NOX4: variants seen among roughly 807,000 people sequenced by gnomAD.
The protein encoded by NOX4 is NADPH oxidase 4.
A neutral mutation model predicts 87.6 loss-of-function variants in NOX4; 69 were observed. The observed-to-expected ratio is 0.79, with a 90% CI of 0.65 to 0.96. The LOEUF is 0.96. NOX4 is among the 40% of genes least tolerant of loss of function. NOX4 has a pLI of 0.00. For synonymous variants in NOX4, 275 were observed against 238.2 expected (o/e 1.15, Z -1.42); for missense variants, 680 against 681.5 (o/e 1.00, Z 0.02).
At chr11:89,425,544 G>T (rs760053872) in intron 7 of NOX4, among the ~76,000 whole-genome samples, 1 of 151,604 alleles carries the variant, frequency 6.6e-6, no homozygotes, top group Non-Finnish European at 1.5e-5. Context: ...ATTTATTAAC[G>T]TAAAAATGTT....
At chr11:89,535,660 G>C in the NOX4 span, among the ~76,000 whole-genome samples, 1 of 151,636 alleles carries the variant, frequency 6.6e-6, no homozygotes, top group Non-Finnish European at 1.5e-5. Flanking sequence ...CCAGACATAG[G>C]CACTGTGCTC....
At chr11:89,396,194 T>A (rs1941471003) in intron 11 of NOX4, among the ~76,000 whole-genome samples, 1 of 152,150 alleles carries the variant, frequency 6.6e-6, no homozygotes, top group South Asian at 2.1e-4. Context: ...CAGTGGTTTG[T>A]AGTTCTCCTT....
chr11:89,427,393 GAGA>G (rs1472269358), intron 7 of NOX4, among the ~76,000 whole-genome samples: 2 of 152,186 alleles, frequency 1.3e-5, no homozygotes, highest in East Asian at 1.9e-4. Context: ...GACGAGTTGA[GAGA>G]AGAAGGCTTC....
the NOX4 span, among the ~76,000 whole-genome samples, chr11:89,581,352 A>G: frequency 6.6e-6 from 1 of 152,204 alleles, no homozygotes; most frequent in Non-Finnish European, 1.5e-5. Context: ...TTTGTCCTCT[A>G]GACTGTGAGA....
At chr11:89,566,205 G>A in the NOX4 span, among the ~76,000 whole-genome samples, 1 of 151,972 alleles carries the variant, frequency 6.6e-6, no homozygotes, top group Non-Finnish European at 1.5e-5. Flanking sequence ...ACAACGCCCA[G>A]CTAATTTTCT....
the NOX4 span, among the ~76,000 whole-genome samples, chr11:89,580,264 A>G: frequency 1.3e-5 from 2 of 152,172 alleles, no homozygotes; most frequent in Non-Finnish European, 2.9e-5. Context: ...AGCTCACTGA[A>G]GCCTTGACCT....
chr11:89,466,301 A>G (rs990559477), intron 2 of NOX4, among the ~76,000 whole-genome samples: 2 of 152,234 alleles, frequency 1.3e-5, no homozygotes, highest in African/African-American at 4.8e-5. Flanking sequence ...TTTTCTTAAA[A>G]TCTCAAACAG....
chr11:89,396,737 G>A (rs995003932), intron 11 of NOX4, among the ~76,000 whole-genome samples: 2 of 152,044 alleles, frequency 1.3e-5, no homozygotes, highest in Non-Finnish European at 2.9e-5. Flanking sequence ...ATTACATAAT[G>A]GTAAAGGGAT....
chr11:89,432,679 A>G, intron 7 of NOX4, 105 bp downstream of exon 7: 1 of 759,378 alleles, frequency 1.3e-6, no homozygotes, highest in South Asian at 1.6e-5. Context: ...TACCCAGAAT[A>G]GTCCATTAAC....
intron 12 of NOX4, among the ~76,000 whole-genome samples, 153 bp downstream of exon 12, chr11:89,373,277 CAA>C (rs144113376): frequency 0.14 from 8,494 of 59,206 alleles, 633 homozygotes; most frequent in African/African-American, 0.41. Context: ...ACTGTACAAG[CAA>C]AAAAAAAAAA....
chr11:89,333,332 T>C (rs1945556083), intron 17 of NOX4, among the ~76,000 whole-genome samples: 1 of 151,714 alleles, frequency 6.6e-6, no homozygotes, highest in South Asian at 2.1e-4. Flanking sequence ...TTGTCATAGA[T>C]TCAATTTTTG....
At chr11:89,345,101 G>A (rs1260885273) in intron 13 of NOX4, among the ~76,000 whole-genome samples, 8 of 152,102 alleles carry the variant, frequency 5.3e-5, no homozygotes, top group Non-Finnish European at 1.2e-4. Context: ...GCCCATGATG[G>A]TTCTCCCTTG....
chr11:89,406,159 C>T (rs966368756), intron 8 of NOX4, among the ~76,000 whole-genome samples: 1 of 151,852 alleles, frequency 6.6e-6, no homozygotes, highest in Non-Finnish European at 1.5e-5. Flanking sequence ...TCTTAGAATT[C>T]TTATATTTGA....
chr11:89,537,017 C>T, the NOX4 span, among the ~76,000 whole-genome samples: 6 of 152,282 alleles, frequency 3.9e-5, no homozygotes, highest in Middle Eastern at 6.8e-3. Context: ...GGATTATGCC[C>T]ACTTCTGAAA....
At chr11:89,556,142 C>T in the NOX4 span, among the ~76,000 whole-genome samples, 2 of 152,022 alleles carry the variant, frequency 1.3e-5, no homozygotes, top group African/African-American at 2.4e-5. Context: ...AACATCTACC[C>T]TACAACATAG....
At chr11:89,448,564 C>T (rs946319785) in intron 4 of NOX4, among the ~76,000 whole-genome samples, 1 of 152,154 alleles carries the variant, frequency 6.6e-6, no homozygotes, top group Non-Finnish European at 1.5e-5. Flanking sequence ...TCCTAATCTA[C>T]TAATGAGTAT....
chr11:89,451,727 G>A (rs1944969671), intron 3 of NOX4, 58 bp downstream of exon 3: 1 of 1,155,784 alleles, frequency 8.7e-7, no homozygotes, highest in Admixed American at 1.7e-5. Context: ...AAACTAACAT[G>A]CGACTGTTAC....
intron 11 of NOX4, among the ~76,000 whole-genome samples, chr11:89,396,731 C>T (rs1423432181): frequency 6.6e-6 from 1 of 152,092 alleles, no homozygotes; most frequent in African/African-American, 2.4e-5. Flanking sequence ...AAGGCCATTA[C>T]ATAATGGTAA....
intron 4 of NOX4, among the ~76,000 whole-genome samples, chr11:89,444,845 C>A (rs1032348486): frequency 6.6e-6 from 1 of 151,924 alleles, no homozygotes; most frequent in Non-Finnish European, 1.5e-5. Context: ...ACAAAGGGCT[C>A]GACTGACTTA....
Sources: gnomAD v4.1 joint callset for allele counts (sites outside exome capture counted in the v4.1 genomes callset) on GRCh38, gnomAD v4.1.1 for gene constraint, MANE v1.5 for transcripts, NCBI Gene and HGNC (gene_info 2026-07-23, HGNC 2026-07-21) for gene names.